The following DGKB variants were observed in gnomAD, a reference collection of about 807,000 sequenced individuals.
DGKB encodes 90 kDa diacylglycerol kinase.
A neutral mutation model predicts 114.3 loss-of-function variants in DGKB; 67 were observed. That is an observed-to-expected ratio of 0.59 (90% confidence interval 0.48 to 0.72). The LOEUF (loss-of-function observed/expected upper bound fraction) is 0.72, where lower values mean the gene tolerates loss of function less well. Ranked by LOEUF, DGKB falls within the 30% of genes least tolerant of loss-of-function variation. The probability of loss-of-function intolerance (pLI) is 0.00; values close to 1 mark genes in which losing one functional copy is unlikely to be tolerated. For missense variants in DGKB, 907 were observed against 975.2 expected (o/e 0.93, Z 0.93); for synonymous variants, 398 against 323.1 (o/e 1.23, Z -2.49).
chr7:14,364,914 T>C (rs1050526901), intron 21 of DGKB, among the ~76,000 whole-genome samples: 1 of 151,964 alleles, frequency 6.6e-6, no homozygotes, highest in Admixed American at 6.6e-5. Flanking sequence ...ACCAAAATTA[T>C]CATATAGAAG....
intron 7 of DGKB, among the ~76,000 whole-genome samples, chr7:14,700,643 C>T (rs1000511091): frequency 3.3e-5 from 5 of 152,080 alleles, no homozygotes; most frequent in African/African-American, 9.7e-5. Context: ...GCTAATGTAC[C>T]ATTATCCTAC....
At chr7:14,647,173 A>G (rs1201784345) in intron 13 of DGKB, among the ~76,000 whole-genome samples, 5 of 152,150 alleles carry the variant, frequency 3.3e-5, no homozygotes, top group African/African-American at 9.6e-5. Context: ...AGAAACTGTT[A>G]TGAACAACTA....
At chr7:14,380,719 T>G (rs985972331) in intron 21 of DGKB, among the ~76,000 whole-genome samples, 4 of 152,212 alleles carry the variant, frequency 2.6e-5, no homozygotes, top group Admixed American at 6.5e-5. Context: ...GAGGGTCTGT[T>G]GAGTGCAAAG....
At position 14,926,236 on chromosome 7, in the gene DGKB, G is replaced by A. The variant is rs545163985; in HGVS notation, c.-188+48460C>T. 2.6e-5 allele frequency among the ~76,000 whole-genome samples: 4 copies of A among 151,888 alleles called. No individual in the cohort carries two copies. In the South Asian group the frequency reaches 8.3e-4, roughly 31 times the overall value. On this transcript the variant is annotated intron_variant, in intron 1 of 4. Transcript: ENST00000437998. ...AGAGATCTTATCACTGCTTTTTGAA[G>A]GAAATTATTATGGCTGCTTTAAAAT...
intron 2 of DGKB, among the ~76,000 whole-genome samples, chr7:14,807,542 T>C (rs575358042): frequency 1.4e-3 from 209 of 152,046 alleles, no homozygotes; most frequent in African/African-American, 4.5e-3. Flanking sequence ...ATTAGAAAAA[T>C]AGTTATTAAC....
intron 2 of DGKB, among the ~76,000 whole-genome samples, chr7:14,763,801 A>G (rs1243925240): frequency 1.3e-5 from 2 of 152,064 alleles, no homozygotes; most frequent in Non-Finnish European, 2.9e-5. Context: ...TACAAAATGC[A>G]TTTGTCATTT....
At chr7:14,352,197 T>G (rs1330302939) in intron 21 of DGKB, among the ~76,000 whole-genome samples, 1 of 152,188 alleles carries the variant, frequency 6.6e-6, no homozygotes, top group African/African-American at 2.4e-5. Context: ...AAGATGGATA[T>G]TCTAAAACCG....
chr7:14,293,064 C>G (rs1225651673), intron 23 of DGKB, among the ~76,000 whole-genome samples: 1 of 152,134 alleles, frequency 6.6e-6, no homozygotes, highest in Non-Finnish European at 1.5e-5. Flanking sequence ...TACATATTGA[C>G]ATATCCTTTG....
chr7:14,681,814 G>A (rs1239012427), intron 12 of DGKB, among the ~76,000 whole-genome samples: 3 of 151,980 alleles, frequency 2.0e-5, no homozygotes, highest in East Asian at 1.9e-4. Flanking sequence ...TTCAAACCAG[G>A]TGAAATTCCC....
intron 9 of DGKB, 76 bp from the exon 10 acceptor site, chr7:14,685,438 G>C (rs1030178831): frequency 5.7e-6 from 6 of 1,050,714 alleles, no homozygotes; most frequent in Non-Finnish European, 8.7e-6. Context: ...ATGAAATTCA[G>C]AGCTGGACTG....
At chr7:14,890,080 T>C (rs1780948252) in intron 1 of DGKB, among the ~76,000 whole-genome samples, 1 of 151,594 alleles carries the variant, frequency 6.6e-6, no homozygotes. Flanking sequence ...GAGAGTCTTT[T>C]CATTCCATAC....
At chr7:14,741,502 A>G (rs146083611) in intron 4 of DGKB, among the ~76,000 whole-genome samples, 52 of 152,196 alleles carry the variant, frequency 3.4e-4, no homozygotes, top group African/African-American at 1.2e-3. Context: ...ACTGCCTAGT[A>G]TGTTGTTTTT....
chr7:14,961,568 A>C (rs918411320), intron 1 of DGKB, among the ~76,000 whole-genome samples: 1 of 152,112 alleles, frequency 6.6e-6, no homozygotes, highest in Admixed American at 6.6e-5. Flanking sequence ...GCTTCCACCT[A>C]TCAGCTCCTT....
rs961119099 is a variant in DGKB at position 14,962,899 on chromosome 7, C to T, written c.-188+11797G>A. Among the ~76,000 whole-genome samples the T allele has an allele frequency of 2.6e-5, 4 of 152,070 alleles. No individual in the cohort carries two copies. The East Asian group carries it at 7.7e-4, about 29-fold the overall frequency. On this transcript the variant is annotated intron_variant, in intron 1 of 4. Coordinates refer to the DGKB transcript ENST00000437998. Reference sequence around the variant, plus strand: ...AAAATGAGCTTAGGCAAGATATAAACTATATTGACTCATTAATTAAACTAC... The same window carrying T: ...AAAATGAGCTTAGGCAAGATATAAATTATATTGACTCATTAATTAAACTAC...
chr7:14,216,463 C>T (rs10236487), intron 23 of DGKB, among the ~76,000 whole-genome samples: 4,833 of 152,068 alleles, frequency 0.032, 262 homozygotes, highest in African/African-American at 0.11. Context: ...CAGTGGCTCA[C>T]GCCTGTAATC....
chr7:14,261,698 A>T (rs1796801119), intron 23 of DGKB, among the ~76,000 whole-genome samples: 1 of 152,198 alleles, frequency 6.6e-6, no homozygotes, highest in African/African-American at 2.4e-5. Context: ...AAGAAACAAA[A>T]ACATAGTTTA....
At chr7:14,397,037 T>C (rs983513552) in intron 21 of DGKB, among the ~76,000 whole-genome samples, 2 of 152,030 alleles carry the variant, frequency 1.3e-5, no homozygotes, top group African/African-American at 4.8e-5. Context: ...TTTTCAAGCT[T>C]TCTGGGAGAG....
chr7:14,729,280 A>G (rs4628171), intron 5 of DGKB, among the ~76,000 whole-genome samples: 50,093 of 147,612 alleles, frequency 0.34, 10,243 homozygotes, highest in Non-Finnish European at 0.47. Flanking sequence ...CTGCCACCAC[A>G]TCCGGCTAAT....
At chr7:14,689,488 C>G (rs2128985940) in intron 9 of DGKB, among the ~76,000 whole-genome samples, 1 of 152,118 alleles carries the variant, frequency 6.6e-6, no homozygotes, top group Middle Eastern at 3.4e-3. Context: ...CTCTTTTAGA[C>G]AAAAAGATGA....
Sources: gnomAD v4.1 joint callset for allele counts (sites outside exome capture counted in the v4.1 genomes callset) on GRCh38, gnomAD v4.1.1 for gene constraint, MANE v1.5 for transcripts, NCBI Gene and HGNC (gene_info 2026-07-23, HGNC 2026-07-21) for gene names.